RIN2: variants seen among roughly 807,000 people sequenced by gnomAD.
The protein encoded by RIN2 is Ras and Rab interactor 2.
RIN2 carries 36 observed loss-of-function variants against 78.0 expected under a neutral mutation model. That is an observed-to-expected ratio of 0.46 (90% CI 0.35 to 0.61). The LOEUF (loss-of-function observed/expected upper bound fraction) is 0.61, where lower values mean the gene tolerates loss of function less well. Among genes scored for constraint, RIN2 ranks in the 20% least tolerant of loss-of-function variants. The probability of loss-of-function intolerance (pLI) is 0.00; values close to 1 mark genes in which losing one functional copy is unlikely to be tolerated. For synonymous variants in RIN2, 466 were observed against 466.8 expected, an observed-to-expected ratio of 1.00 and a Z score of 0.02; for missense variants, 1,087 against 1,159.7, an observed-to-expected ratio of 0.94 and a Z score of 0.91.
chr20:19,935,839 C>T (rs1056545207), intron 4 of RIN2, among the ~76,000 whole-genome samples: 1 of 152,130 alleles, frequency 6.6e-6, no homozygotes, highest in African/African-American at 2.4e-5. Flanking sequence ...TTGAAGGTGA[C>T]TTCTTCCAAC....
intron 7 of RIN2, 151 bp from the exon 8 acceptor site, chr20:19,970,687 C>T: frequency 1.5e-6 from 1 of 652,924 alleles, no homozygotes; most frequent in South Asian, 1.8e-5. Flanking sequence ...TTAAGTTTTA[C>T]CACCAGGAAA....
In RIN2 at chr20:19,786,472, C is replaced by T. The variant is rs183016693; in HGVS notation, c.-162-13150C>T. On this transcript the variant is annotated intron_variant, in intron 1 of 12. Transcript: ENST00000255006. ...TCCAGCTGTTCCAGCCATACCTTCCCGTTCCCCACCCCCACACACTCTGCC... is the reference window on the plus strand; with the variant it reads ...TCCAGCTGTTCCAGCCATACCTTCCTGTTCCCCACCCCCACACACTCTGCC... 2.8e-4 allele frequency among the ~76,000 whole-genome samples: 42 copies of T among 152,246 alleles called. 1 individual carries two copies. Among genetic ancestry groups the T allele is most frequent in the Middle Eastern group, 6.8e-3 (2 of 294 alleles).
At chr20:19,935,515 C>A in intron 4 of RIN2, 1 of 1,093,896 alleles carries the variant, frequency 9.1e-7, no homozygotes, top group Non-Finnish European at 1.1e-6. Context: ...CAAGATCCAG[C>A]GTGTGCAAAG....
intron 12 of RIN2, among the ~76,000 whole-genome samples, chr20:20,000,139 G>A (rs917243487): frequency 1.3e-5 from 2 of 152,206 alleles, no homozygotes; most frequent in African/African-American, 2.4e-5. Flanking sequence ...AGTCCAGCCT[G>A]GAGAATATAG....
chr20:19,867,510 T>A (rs1419081850), intron 2 of RIN2, among the ~76,000 whole-genome samples: 1 of 152,218 alleles, frequency 6.6e-6, no homozygotes, highest in African/African-American at 2.4e-5. Flanking sequence ...CACTCTGAAA[T>A]GTATCCTTAG....
At position 20,001,493 on chromosome 20, in the gene RIN2, C is replaced by T. The variant is rs1260796685; in HGVS notation, c.*557C>T. 6.9e-6 allele frequency: 1 copy of T among 145,794 alleles called. No individual in the cohort carries two copies. Among genetic ancestry groups the T allele is most frequent in the Non-Finnish European group, 1.5e-5 (1 of 66,980 alleles). The allele number at this position is 145,794 out of a possible 1,614,324, so 9.0% of individuals were successfully genotyped here. On this transcript the variant is annotated 3_prime_UTR_variant, in exon 13 of 13. Transcript: ENST00000255006. Reference sequence around the variant, plus strand: ...AATATTTTTGTAACTTTAAAATATTCTATAATTATGCATGTGATTTTAACA... The same window carrying T: ...AATATTTTTGTAACTTTAAAATATTTTATAATTATGCATGTGATTTTAACA...
At chr20:19,935,309 G>A (rs2040595698) in intron 4 of RIN2, 110 bp downstream of exon 4, 1 of 1,253,208 alleles carries the variant, frequency 8.0e-7, no homozygotes, top group Non-Finnish European at 1.1e-6. Context: ...AGCTGGGAGT[G>A]TGGTAGCAGC....
chr20:19,912,244 C>T (rs1322614009), intron 3 of RIN2, among the ~76,000 whole-genome samples: 2 of 152,154 alleles, frequency 1.3e-5, no homozygotes, highest in Non-Finnish European at 2.9e-5. Flanking sequence ...AGACACATTT[C>T]ATATGAGCAT....
intron 3 of RIN2, among the ~76,000 whole-genome samples, chr20:19,928,091 C>T (rs2040298492): frequency 6.6e-6 from 1 of 152,096 alleles, no homozygotes; most frequent in South Asian, 2.1e-4. Flanking sequence ...TTAGTAGAGA[C>T]AGGGTTTCAC....
intron 2 of RIN2, chr20:19,889,042 T>C: frequency 3.9e-6 from 3 of 766,764 alleles, no homozygotes; most frequent in Non-Finnish European, 4.8e-6. Flanking sequence ...TTTATCCAAA[T>C]ATTTCTGATT....
At chr20:19,846,357 T>C (rs1049259711) in intron 2 of RIN2, among the ~76,000 whole-genome samples, 13 of 152,246 alleles carry the variant, frequency 8.5e-5, no homozygotes, top group African/African-American at 2.4e-4. Context: ...TTCCTATCCA[T>C]GAGCATGGAA....
Position 19,964,994 on chromosome 20 carries a change from TC to T in RIN2, c.508del (p.Arg170GlyfsTer17). 1 of 1,613,634 alleles carries T rather than the reference TC, an allele frequency of 6.2e-7. No homozygotes were observed. Among genetic ancestry groups the T allele is most frequent in the Non-Finnish European group, 8.5e-7 (1 of 1,179,826 alleles). On this transcript the variant is annotated frameshift_variant, in exon 7 of 13. Transcript: ENST00000255006. LOFTEE classifies it high-confidence loss of function. ...EGSGISFADL[F>X]RLIAFYCISR... ...TCAGGAATCAGTTTCGCAGATTTATTCCGGCTCATTGCTTTCTACTGCATCA... is the reference window on the plus strand; with the variant it reads ...TCAGGAATCAGTTTCGCAGATTTATTCGGCTCATTGCTTTCTACTGCATCA...
At chr20:19,866,078 G>C (rs557882697) in intron 2 of RIN2, among the ~76,000 whole-genome samples, 2 of 152,090 alleles carry the variant, frequency 1.3e-5, no homozygotes, top group East Asian at 3.9e-4. Flanking sequence ...GAATCAGTGG[G>C]TGCCCTGAGC....
chr20:19,908,806 C>G (rs553033341), intron 3 of RIN2, among the ~76,000 whole-genome samples: 19 of 152,276 alleles, frequency 1.2e-4, no homozygotes, highest in African/African-American at 4.6e-4. Context: ...TTGGAAAGAG[C>G]TGGGCTTAGG....
intron 3 of RIN2, among the ~76,000 whole-genome samples, chr20:19,891,140 G>T (rs2038441184): frequency 6.6e-6 from 1 of 152,154 alleles, no homozygotes; most frequent in African/African-American, 2.4e-5. Context: ...TGACACAGAT[G>T]GTCTCAATTA....
At chr20:19,777,542 G>A (rs542075885) in intron 1 of RIN2, among the ~76,000 whole-genome samples, 30 of 152,334 alleles carry the variant, frequency 2.0e-4, no homozygotes, top group Admixed American at 1.5e-3. Flanking sequence ...CCTCCCTGTC[G>A]CCTCATGGTT....
chr20:19,787,456 A>G (rs1054744523), intron 1 of RIN2, among the ~76,000 whole-genome samples: 7 of 145,770 alleles, frequency 4.8e-5, no homozygotes, highest in African/African-American at 1.3e-4. Context: ...AGAGAGAGAG[A>G]GAGAGAAATG....
intron 1 of RIN2, among the ~76,000 whole-genome samples, chr20:19,761,875 C>G (rs919381327): frequency 2.0e-5 from 3 of 152,188 alleles, no homozygotes; most frequent in African/African-American, 7.2e-5. Context: ...TTCAACCAGC[C>G]TTTCCAACTC....
chr20:19,804,744 A>T (rs183349498), intron 2 of RIN2, among the ~76,000 whole-genome samples: 3 of 152,174 alleles, frequency 2.0e-5, no homozygotes, highest in Admixed American at 2.0e-4. Context: ...CCTCCTTTTC[A>T]ATTGTTTGGA....
Sources: gnomAD v4.1 joint callset for allele counts (sites outside exome capture counted in the v4.1 genomes callset) on GRCh38, gnomAD v4.1.1 for gene constraint, MANE v1.5 for transcripts, NCBI Gene and HGNC (gene_info 2026-07-23, HGNC 2026-07-21) for gene names.